IL1RAPL2: variants seen among roughly 807,000 people sequenced by gnomAD.
IL1RAPL2 encodes X-linked interleukin-1 receptor accessory protein-like 2.
Under a neutral mutation model 44.1 loss-of-function variants are expected in IL1RAPL2, and 3 were observed. The ratio of observed to expected loss-of-function variants is 0.07; its 90% CI spans 0.03 to 0.18. The LOEUF (loss-of-function observed/expected upper bound fraction) is 0.18, where lower values mean the gene tolerates loss of function less well. Ranked by LOEUF, IL1RAPL2 falls within the 10% of genes least tolerant of loss-of-function variation. IL1RAPL2 has a pLI of 1.00. For missense variants in IL1RAPL2, 391 were observed against 496.4 expected (o/e 0.79, Z 2.02); for synonymous variants, 181 against 178.8 (o/e 1.01, Z -0.10).
At chrX:104,917,806 C>A (rs1924505152) in intron 2 of IL1RAPL2, among the ~76,000 whole-genome samples, 1 of 111,701 alleles carries the variant, frequency 9.0e-6, no homozygotes, top group African/African-American at 3.3e-5. Context: ...TGCCTAGAAA[C>A]AATTAATAGA....
chrX:104,950,900 G>T (rs912697348), intron 2 of IL1RAPL2, among the ~76,000 whole-genome samples: 2 of 111,020 alleles, frequency 1.8e-5, no homozygotes, highest in African/African-American at 3.3e-5. Flanking sequence ...TTTTAAGCCC[G>T]TTTGAAAAGC....
At chrX:104,933,064 A>C (rs1230382709) in intron 2 of IL1RAPL2, among the ~76,000 whole-genome samples, 2 of 111,874 alleles carry the variant, frequency 1.8e-5, no homozygotes, top group Non-Finnish European at 3.8e-5. Flanking sequence ...CCAGAGAGAA[A>C]TTTCCACTAG....
At chrX:105,673,607 T>C (rs918768626) in intron 6 of IL1RAPL2, among the ~76,000 whole-genome samples, 5 of 112,072 alleles carry the variant, frequency 4.5e-5, no homozygotes, top group African/African-American at 1.6e-4. Flanking sequence ...TTTGTTATTG[T>C]GAATAGTGCT....
intron 2 of IL1RAPL2, among the ~76,000 whole-genome samples, chrX:105,074,583 C>A (rs1312475322): frequency 3.7e-4 from 40 of 107,324 alleles, no homozygotes; most frequent in African/African-American, 1.3e-3. Context: ...TGAAGAAAGT[C>A]ATTGGTAGCT....
chrX:105,381,700 A>G (rs1232737828), intron 5 of IL1RAPL2, among the ~76,000 whole-genome samples: 1 of 112,014 alleles, frequency 8.9e-6, no homozygotes, highest in Non-Finnish European at 1.9e-5. Flanking sequence ...AATCAGAGGA[A>G]TTGGGATATA....
chrX:104,964,298 T>C (rs2030071938), intron 2 of IL1RAPL2, among the ~76,000 whole-genome samples: 1 of 106,719 alleles, frequency 9.4e-6, no homozygotes, highest in African/African-American at 3.4e-5. Flanking sequence ...ATTTATTTAT[T>C]TATTTATTTA....
At chrX:104,877,191 C>G (rs900310953) in intron 2 of IL1RAPL2, among the ~76,000 whole-genome samples, 1 of 111,408 alleles carries the variant, frequency 9.0e-6, no homozygotes, top group Non-Finnish European at 1.9e-5. Flanking sequence ...AATAAACATA[C>G]GGGTGCATGT....
chrX:104,819,255 C>A (rs753083697), intron 2 of IL1RAPL2, among the ~76,000 whole-genome samples: 2 of 112,311 alleles, frequency 1.8e-5, no homozygotes, highest in East Asian at 2.8e-4. Context: ...TAGTTCCCAA[C>A]TTATGATGGT....
intron 2 of IL1RAPL2, among the ~76,000 whole-genome samples, chrX:105,052,107 G>C (rs975289840): frequency 1.8e-5 from 2 of 112,589 alleles, no homozygotes; most frequent in African/African-American, 6.5e-5. Context: ...TTCAAGTGCA[G>C]AGGTACACAG....
chrX:105,301,172 A>C (rs1455045326), intron 5 of IL1RAPL2, among the ~76,000 whole-genome samples: 1 of 111,889 alleles, frequency 8.9e-6, no homozygotes, highest in East Asian at 2.8e-4. Context: ...TTGGCAAAAT[A>C]AGTTTGAGTC....
intron 6 of IL1RAPL2, among the ~76,000 whole-genome samples, chrX:105,562,694 A>G (rs35905786): frequency 0.31 from 34,501 of 110,402 alleles, 4,149 homozygotes; most frequent in Middle Eastern, 0.4. Context: ...CAGAAGGCTT[A>G]GCTTGGCTTT....
chrX:105,725,759 G>T (rs2038345664), intron 7 of IL1RAPL2, among the ~76,000 whole-genome samples: 1 of 111,425 alleles, frequency 9.0e-6, no homozygotes. Flanking sequence ...ACATGTCCTT[G>T]GTTTTCCCAA....
intron 1 of IL1RAPL2, among the ~76,000 whole-genome samples, chrX:104,610,694 C>T (rs1278432528): frequency 9.0e-6 from 1 of 111,606 alleles, no homozygotes; most frequent in Non-Finnish European, 1.9e-5. Flanking sequence ...TTGAAAATGG[C>T]CATACTGCCC....
chrX:105,519,236 CAAAT>C (rs1263917488), intron 6 of IL1RAPL2, among the ~76,000 whole-genome samples: 2 of 111,452 alleles, frequency 1.8e-5, no homozygotes, highest in African/African-American at 6.5e-5. Context: ...GGGGAATAAT[CAAAT>C]AAATCTAGAC....
chrX:104,917,093 T>C (rs993284500), intron 2 of IL1RAPL2, among the ~76,000 whole-genome samples: 27 of 111,923 alleles, frequency 2.4e-4, no homozygotes, highest in African/African-American at 8.5e-4. Flanking sequence ...TAAAATGAGT[T>C]AGGGAGGATT....
chrX:105,640,984 T>C (rs2037565901), intron 6 of IL1RAPL2, among the ~76,000 whole-genome samples: 1 of 108,608 alleles, frequency 9.2e-6, no homozygotes, highest in Non-Finnish European at 1.9e-5. Context: ...TAAAGGGAAT[T>C]GATGACTGAG....
intron 3 of IL1RAPL2, chrX:105,219,405 C>T: frequency 8.3e-7 from 1 of 1,210,473 alleles, no homozygotes; most frequent in South Asian, 1.8e-5. Flanking sequence ...GATCTCCCTC[C>T]TTCTGCCCCC....
chrX:105,080,338 T>C (rs2032385997), intron 2 of IL1RAPL2, among the ~76,000 whole-genome samples: 1 of 112,302 alleles, frequency 8.9e-6, no homozygotes, highest in South Asian at 3.7e-4. Flanking sequence ...TCTTCTAGGG[T>C]ATTTATGGTT....
chrX:105,182,255 A>G (rs896910903), intron 2 of IL1RAPL2, among the ~76,000 whole-genome samples: 3 of 110,649 alleles, frequency 2.7e-5, no homozygotes, highest in African/African-American at 9.9e-5. Context: ...TCATTCTTAT[A>G]TAGGAGTCTA....
Sources: gnomAD v4.1 joint callset for allele counts (sites outside exome capture counted in the v4.1 genomes callset) on GRCh38, gnomAD v4.1.1 for gene constraint, MANE v1.5 for transcripts, NCBI Gene and HGNC (gene_info 2026-07-23, HGNC 2026-07-21) for gene names.